The following ELAPOR1 variants were observed in gnomAD, a reference collection of about 807,000 sequenced individuals.
The protein encoded by ELAPOR1 is endosome/lysosome-associated apoptosis and autophagy regulator 1.
ELAPOR1 carries 77 observed loss-of-function variants against 119.7 expected under a neutral mutation model. The observed-to-expected ratio is 0.64, with a 90% CI of 0.54 to 0.78. ELAPOR1 has a LOEUF of 0.78. ELAPOR1 is among the 30% of genes least tolerant of loss of function. The pLI, the probability that ELAPOR1 is intolerant of heterozygous loss-of-function variation, is 0.00. For missense variants in ELAPOR1, 1,115 were observed against 1,270.4 expected (o/e 0.88, Z 1.86); for synonymous variants, 481 against 487.2 (o/e 0.99, Z 0.17).
At chr1:109,196,788 T>C (rs1653824870) in intron 15 of ELAPOR1, among the ~76,000 whole-genome samples, 1 of 152,092 alleles carries the variant, frequency 6.6e-6, no homozygotes, top group Non-Finnish European at 1.5e-5. Context: ...GTTGAAGCGA[T>C]TCTCCTGCCT....
At chr1:109,163,097 G>C (rs1447840751) in intron 2 of ELAPOR1, among the ~76,000 whole-genome samples, 2 of 152,256 alleles carry the variant, frequency 1.3e-5, no homozygotes, top group Non-Finnish European at 2.9e-5. Context: ...GAAAGAATGA[G>C]AGTTACGAAT....
At chr1:109,174,321 G>A (rs1222408904) in intron 7 of ELAPOR1, among the ~76,000 whole-genome samples, 1 of 138,962 alleles carries the variant, frequency 7.2e-6, no homozygotes, top group Non-Finnish European at 1.5e-5. Flanking sequence ...GTCAAACCGG[G>A]AAGATCAATT....
intron 1 of ELAPOR1, among the ~76,000 whole-genome samples, chr1:109,114,830 G>A (rs899502775): frequency 6.6e-6 from 1 of 152,142 alleles, no homozygotes; most frequent in Non-Finnish European, 1.5e-5. Flanking sequence ...ATGTGCGAGA[G>A]GGATGATAGG....
Position 109,185,044 on chromosome 1 carries a change from G to C in ELAPOR1, c.953-1G>C. On this transcript the variant is annotated splice_acceptor_variant, in intron 7 of 21. Coordinates refer to ENST00000369939, the MANE Select transcript of ELAPOR1 (RefSeq NM_020775.5). LOFTEE classifies it high-confidence loss of function. ...TATTTCTTCTTGCTTTGGCAATTTAGAGAAAGGATCTTCTTCCTGTAACGT... is the reference window on the plus strand; with the variant it reads ...TATTTCTTCTTGCTTTGGCAATTTACAGAAAGGATCTTCTTCCTGTAACGT... 6.2e-7 allele frequency: 1 copy of C among 1,613,296 alleles called. No homozygotes were observed. Among genetic ancestry groups the C allele is most frequent in the South Asian group, 1.1e-5 (1 of 91,058 alleles).
chr1:109,185,012 C>T, intron 7 of ELAPOR1, 33 bp from the exon 8 acceptor site: 1 of 1,567,274 alleles, frequency 6.4e-7, no homozygotes, highest in Non-Finnish European at 8.8e-7. Context: ...TCTTATGTAA[C>T]TCCAAATATT....
At chr1:109,169,901 T>C (rs545748134) in intron 3 of ELAPOR1, among the ~76,000 whole-genome samples, 9 of 152,250 alleles carry the variant, frequency 5.9e-5, no homozygotes, top group African/African-American at 1.4e-4. Flanking sequence ...CACAGCAGAA[T>C]GTGCACATGA....
chr1:109,146,689 T>C (rs1251086796), intron 1 of ELAPOR1, among the ~76,000 whole-genome samples: 1 of 152,216 alleles, frequency 6.6e-6, no homozygotes, highest in East Asian at 1.9e-4. Flanking sequence ...TTGTGATTGT[T>C]CTCGAGGGAA....
At chr1:109,181,405 T>C (rs1652689607) in intron 7 of ELAPOR1, among the ~76,000 whole-genome samples, 1 of 152,132 alleles carries the variant, frequency 6.6e-6, no homozygotes, top group Admixed American at 6.6e-5. Context: ...TCTTCCAAAC[T>C]TGACTAGCAT....
At chr1:109,143,421 G>C (rs1394107588) in intron 1 of ELAPOR1, among the ~76,000 whole-genome samples, 1 of 152,186 alleles carries the variant, frequency 6.6e-6, no homozygotes, top group African/African-American at 2.4e-5. Flanking sequence ...CATAGAGTCA[G>C]AGAATAGATT....
intron 15 of ELAPOR1, among the ~76,000 whole-genome samples, chr1:109,196,883 A>G (rs1653832945): frequency 6.6e-6 from 1 of 152,196 alleles, no homozygotes; most frequent in South Asian, 2.1e-4. Flanking sequence ...GGGTTTCACC[A>G]CGTTGGCCAG....
At chr1:109,119,877 T>C (rs746271027) in intron 1 of ELAPOR1, among the ~76,000 whole-genome samples, 1 of 152,168 alleles carries the variant, frequency 6.6e-6, no homozygotes, top group African/African-American at 2.4e-5. Context: ...AGATTCATCT[T>C]TACAGGAGAA....
chr1:109,142,439 A>G (rs1649886572), intron 1 of ELAPOR1, among the ~76,000 whole-genome samples: 1 of 152,236 alleles, frequency 6.6e-6, no homozygotes, highest in Admixed American at 6.5e-5. Context: ...GCTGAATTCC[A>G]TGGTGTAAAT....
intron 1 of ELAPOR1, among the ~76,000 whole-genome samples, chr1:109,139,692 A>C (rs1334675695): frequency 6.6e-6 from 1 of 152,242 alleles, no homozygotes; most frequent in Non-Finnish European, 1.5e-5. Context: ...ACTTTTTAAA[A>C]TTCTTGAAGA....
chr1:109,181,861 G>C (rs588342), intron 7 of ELAPOR1, among the ~76,000 whole-genome samples: 120,493 of 151,760 alleles, frequency 0.79, 48,726 homozygotes, highest in East Asian at 1. Flanking sequence ...GAGATGTGCA[G>C]TTGAGAGAAC....
At position 109,173,797 on chromosome 1, in the gene ELAPOR1, A is replaced by T. The variant is rs774334072; in HGVS notation, c.912A>T (p.Gly304=). 3.1e-6 allele frequency: 5 copies of T among 1,614,138 alleles called. No individual in the cohort carries two copies. The highest frequency in any genetic ancestry group is 4.2e-6 in the Non-Finnish European group (5 of 1,180,024). ...LCPANSYSNK[G]ETSCHQCDPD... ...CAGCCAACTCTTATTCAAATAAAGG[A>T]GAAACTTCTTGCCACCAGTGTGACC... Residue 304 remains glycine (G), a synonymous_variant, in exon 7 of 22, where the codon GGA becomes GGT. Transcript: ENST00000369939.
At chr1:109,185,286 G>C (rs1652977247) in intron 8 of ELAPOR1, among the ~76,000 whole-genome samples, 153 bp downstream of exon 8, 1 of 152,190 alleles carries the variant, frequency 6.6e-6, no homozygotes, top group Non-Finnish European at 1.5e-5. Flanking sequence ...AGGTGGGGTG[G>C]GGGGCAAAAC....
intron 15 of ELAPOR1, 71 bp from the exon 16 acceptor site, chr1:109,197,403 C>T: frequency 7.3e-7 from 1 of 1,371,902 alleles, no homozygotes; most frequent in Non-Finnish European, 1.0e-6. Flanking sequence ...AAAGCCTTCC[C>T]TATTCCCTTC....
chr1:109,190,237 G>A (rs1225203417), intron 11 of ELAPOR1, among the ~76,000 whole-genome samples: 7 of 152,142 alleles, frequency 4.6e-5, no homozygotes, highest in Non-Finnish European at 2.9e-5. Context: ...CTGGCCGTGC[G>A]ACCTTAGGAA....
Position 109,200,795 on chromosome 1 carries a change from A to G in ELAPOR1, c.2868A>G (p.Pro956=). 2 of 1,614,226 alleles carry G rather than the reference A, an allele frequency of 1.2e-6. No homozygotes were observed. The highest frequency in any genetic ancestry group is 1.7e-6 in the Non-Finnish European group (2 of 1,180,024). ...MNATLKDCDL[P]AADSCAIMEG... is the part of the protein sequence containing the mutation. ...CTACTCTCAAGGACTGTGACCTGCC[A>G]GCAGCTGACAGCTGCGCCATCATGG... Residue 956 remains proline, a synonymous_variant, in exon 21 of 22, where the codon CCA becomes CCG. Transcript: ENST00000369939.
Sources: gnomAD v4.1 joint callset for allele counts (sites outside exome capture counted in the v4.1 genomes callset) on GRCh38, gnomAD v4.1.1 for gene constraint, MANE v1.5 for transcripts, NCBI Gene and HGNC (gene_info 2026-07-23, HGNC 2026-07-21) for gene names.